Variants in COL23A1 observed in about 807,000 individuals in gnomAD.
The protein encoded by COL23A1 is collagen alpha-1(XXIII) chain.
COL23A1 carries 97 observed loss-of-function variants against 99.3 expected under a neutral mutation model. The ratio of observed to expected loss-of-function variants is 0.98; its 90% CI spans 0.83 to 1.16. The LOEUF (loss-of-function observed/expected upper bound fraction) is 1.16, where lower values mean the gene tolerates loss of function less well. Ranked by LOEUF, COL23A1 falls within the 50% of genes most tolerant of loss-of-function variation. The pLI is 0.00. For missense variants in COL23A1, 762 were observed against 757.4 expected, an observed-to-expected ratio of 1.01 and a Z score of -0.07; for synonymous variants, 320 against 308.2, an observed-to-expected ratio of 1.04 and a Z score of -0.40.
At chr5:178,565,117 T>C (rs1455353951) in intron 1 of COL23A1, among the ~76,000 whole-genome samples, 3 of 151,626 alleles carry the variant, frequency 2.0e-5, no homozygotes, top group South Asian at 2.1e-4. Flanking sequence ...AAATAAAATG[T>C]CTACATTGAC....
intron 2 of COL23A1, among the ~76,000 whole-genome samples, chr5:178,432,366 T>TGCAACAGCAGATAGTGACTACCACC (rs1456834386): frequency 1.3e-5 from 2 of 152,182 alleles, no homozygotes; most frequent in African/African-American, 4.8e-5. Flanking sequence ...CCCACAGGTT[T>TGCAACAGCAGATAGTGACTACCACC]GCAACAGCAG....
rs144981549 is a variant in COL23A1 at position 178,366,969 on chromosome 5, C to G, written c.362-60050G>C. On this transcript the variant is annotated intron_variant, in intron 2 of 28. Transcript: ENST00000390654. This position sits in a 1 kb window ranked among gnomAD's most constrained non-coding sequence, Gnocchi z 4.4. The stretch of plus-strand genomic sequence containing the variant: ...ACCTCTGCATTCCAGGTGTCTCCTA[C>G]GGACCTGGAATGGGGTGGTCATTTG... Among the ~76,000 whole-genome samples, 1 of 152,318 alleles carries G rather than the reference C, an allele frequency of 6.6e-6. No homozygotes were observed. The highest frequency in any genetic ancestry group is 6.5e-5 in the Admixed American group (1 of 15,306).
intron 2 of COL23A1, among the ~76,000 whole-genome samples, chr5:178,338,267 G>A (rs554034554): frequency 1.3e-4 from 20 of 152,358 alleles, no homozygotes; most frequent in African/African-American, 4.8e-4. Context: ...GCCAGAGAGG[G>A]ACGGTGTCAG....
chr5:178,281,352 G>A lies in COL23A1; in HGVS notation c.441+6972C>T, dbSNP rs1026406052. 2.0e-5 allele frequency among the ~76,000 whole-genome samples: 3 copies of A among 152,126 alleles called. No individual in the cohort carries two copies. The highest frequency in any genetic ancestry group is 7.2e-5 in the African/African-American group (3 of 41,392). Reference sequence around the variant, plus strand: ...TTGTTCACTTGATTAATTCCAAACCGTCCATCCGAGTCCTTCATTTCAAAA... The same window carrying A: ...TTGTTCACTTGATTAATTCCAAACCATCCATCCGAGTCCTTCATTTCAAAA... On this transcript the variant is annotated intron_variant, in intron 5 of 28. Coordinates refer to ENST00000390654, the MANE Select transcript of COL23A1 (RefSeq NM_173465.4). The surrounding 1 kb of genome is among the most constrained non-coding windows in gnomAD (Gnocchi z 4.0).
intron 1 of COL23A1, among the ~76,000 whole-genome samples, chr5:178,572,072 C>CAAAAAAAAAAAAAAAAAAAAAAAAAAAAA (rs57863132): frequency 9.1e-6 from 1 of 109,496 alleles, no homozygotes; most frequent in African/African-American, 3.9e-5. Flanking sequence ...TTTCTCAAAA[C>CAAAAAAAAAAAAAAAAAAAAAAAAAAAAA]AAAAAAAAAA....
intron 2 of COL23A1, among the ~76,000 whole-genome samples, chr5:178,503,322 C>T (rs372948788): frequency 6.6e-6 from 1 of 152,080 alleles, no homozygotes; most frequent in East Asian, 1.9e-4. Flanking sequence ...TGCACTCCAG[C>T]CTGGGCAACG....
rs904501540 is a variant in COL23A1 at position 178,270,246 on chromosome 5, G to A, written c.468+91C>T. 7.4e-6 allele frequency: 11 copies of A among 1,479,394 alleles called. No individual in the cohort carries two copies. The African/African-American group carries it at 1.5e-4, about 20-fold the overall frequency. 91.6% of individuals were successfully genotyped at this position (1,479,394 alleles called of 1,614,324 possible). ...CTCTGTGCTGAACCAAGTTCCAGTG[G>A]CTGCTTCCCTCCAGTGCCTGCTGGT... On this transcript the variant is annotated intron_variant, in intron 6 of 28. Coordinates refer to ENST00000390654, the MANE Select transcript of COL23A1 (RefSeq NM_173465.4).
At chr5:178,482,631 C>T (rs1757400523) in intron 2 of COL23A1, among the ~76,000 whole-genome samples, 1 of 151,434 alleles carries the variant, frequency 6.6e-6, no homozygotes, top group Non-Finnish European at 1.5e-5. Context: ...TGGTGGCCCA[C>T]ACCTGTAATC....
At chr5:178,523,223 G>GAGAGAGAGAC (rs1562051944) in intron 2 of COL23A1, among the ~76,000 whole-genome samples, 2 of 115,088 alleles carry the variant, frequency 1.7e-5, no homozygotes, top group Admixed American at 2.3e-4. Flanking sequence ...GAGAGAGAGA[G>GAGAGAGAGAC]AGACAGAGGG....
At chr5:178,319,220 CT>C (rs1398304136) in intron 2 of COL23A1, among the ~76,000 whole-genome samples, 1 of 152,170 alleles carries the variant, frequency 6.6e-6, no homozygotes, top group Non-Finnish European at 1.5e-5. Flanking sequence ...CTGTCATCTC[CT>C]GGGATCTTGT....
At chr5:178,321,429 T>C (rs1265299953) in intron 2 of COL23A1, among the ~76,000 whole-genome samples, 1 of 151,300 alleles carries the variant, frequency 6.6e-6, no homozygotes, top group African/African-American at 2.4e-5. Flanking sequence ...CTGAGCATGG[T>C]GTCCTCAAGG....
chr5:178,267,195 C>A (rs921111992), intron 8 of COL23A1, 112 bp downstream of exon 8: 1 of 1,240,626 alleles, frequency 8.1e-7, no homozygotes, highest in Non-Finnish European at 1.2e-6. Context: ...CTCTTGGCCT[C>A]TTTCTGTGAT....
At chr5:178,431,706 CT>C (rs1435663716) in intron 2 of COL23A1, among the ~76,000 whole-genome samples, 1 of 152,230 alleles carries the variant, frequency 6.6e-6, no homozygotes, top group Non-Finnish European at 1.5e-5. Context: ...CTGCCACCAT[CT>C]TGATTTCAGC....
At chr5:178,536,772 A>G (rs1480054272) in intron 2 of COL23A1, among the ~76,000 whole-genome samples, 1 of 152,138 alleles carries the variant, frequency 6.6e-6, no homozygotes, top group Non-Finnish European at 1.5e-5. Flanking sequence ...GACAGCCCAG[A>G]GGTTTCCCGG....
At chr5:178,287,840 C>T (rs995975428) in intron 5 of COL23A1, among the ~76,000 whole-genome samples, 2 of 152,246 alleles carry the variant, frequency 1.3e-5, no homozygotes, top group Non-Finnish European at 2.9e-5. Context: ...TTGGCCGGGG[C>T]TAGGACATCT....
At chr5:178,405,647 A>G (rs1348126580) in intron 2 of COL23A1, among the ~76,000 whole-genome samples, 4 of 152,222 alleles carry the variant, frequency 2.6e-5, no homozygotes, top group Non-Finnish European at 5.9e-5. Flanking sequence ...GACCACCACT[A>G]CTGAACAGTT....
At chr5:178,419,830 A>G (rs1765507681) in intron 2 of COL23A1, among the ~76,000 whole-genome samples, 1 of 152,176 alleles carries the variant, frequency 6.6e-6, no homozygotes, top group East Asian at 1.9e-4. Flanking sequence ...CCACTCATAG[A>G]CCGCTGAGTG....
chr5:178,262,369 G>A (rs190792750), intron 9 of COL23A1, 117 bp from the exon 10 acceptor site: 275 of 949,710 alleles, frequency 2.9e-4, no homozygotes, highest in African/African-American at 2.4e-3. Context: ...TCTCATTCTC[G>A]CCAAACCTGA....
chr5:178,537,790 T>C (rs1272561595), intron 2 of COL23A1, among the ~76,000 whole-genome samples: 1 of 152,230 alleles, frequency 6.6e-6, no homozygotes, highest in Non-Finnish European at 1.5e-5. Context: ...GTAAAATACG[T>C]GGCATGACGT....
Sources: gnomAD v4.1 joint callset for allele counts (sites outside exome capture counted in the v4.1 genomes callset) on GRCh38, gnomAD v4.1.1 for gene constraint, Gnocchi (gnomAD v3.1) non-coding constraint, MANE v1.5 for transcripts, NCBI Gene and HGNC (gene_info 2026-07-23, HGNC 2026-07-21) for gene names.